Variants in VIT observed in about 807,000 individuals in gnomAD.
VIT encodes vitrin.
A neutral mutation model predicts 78.0 loss-of-function variants in VIT; 99 were observed. The observed-to-expected ratio is 1.27, with a 90% CI of 1.08 to 1.50. VIT has a LOEUF of 1.50. Among genes scored for constraint, VIT ranks in the 40% most tolerant of loss-of-function variants. The probability of loss-of-function intolerance (pLI) is 0.00; values close to 1 mark genes in which losing one functional copy is unlikely to be tolerated. For synonymous variants in VIT, 374 were observed against 334.3 expected (o/e 1.12, Z -1.29); for missense variants, 1,126 against 875.3 (o/e 1.29, Z -3.61).
At position 36,787,164 on chromosome 2, in the gene VIT, A is replaced by C; in HGVS notation, c.946A>C (p.Ser316Arg). ...TGACTTGTCGTTTTTAATTGATGGG[A>C]GCACCAGCATTGGCAAACGGCGATT... ...KIDLSFLIDG[S>R]TSIGKRRFRI... is the part of the protein sequence containing the mutation. Residue 316 changes from serine (S) to arginine (R), a missense_variant, in exon 12 of 16, where the codon AGC becomes CGC. Physicochemically the swap from Ser to Arg is moderately radical, Grantham distance 110. Transcript: ENST00000379242. 1.2e-6 allele frequency: 2 copies of C among 1,614,040 alleles called. No homozygotes were observed. The highest frequency in any genetic ancestry group is 1.7e-6 in the Non-Finnish European group (2 of 1,180,012).
intron 10 of VIT, among the ~76,000 whole-genome samples, chr2:36,783,122 T>C (rs1180695404): frequency 6.6e-6 from 1 of 152,226 alleles, no homozygotes; most frequent in Admixed American, 6.5e-5. Flanking sequence ...AGTCTCCTGA[T>C]TTCAAATCCC....
rs541755242 is a variant in VIT at position 36,767,297 on chromosome 2, G to T, written c.679+12G>T. 1 of 1,514,576 alleles carries T rather than the reference G, an allele frequency of 6.6e-7. No individual in the cohort carries two copies. Among genetic ancestry groups the T allele is most frequent in the South Asian group, 1.3e-5 (1 of 74,732 alleles). The allele number at this position is 1,514,576 out of a possible 1,614,324, so 93.8% of individuals were successfully genotyped here. On this transcript the variant is annotated intron_variant, in intron 7 of 15. Coordinates refer to ENST00000379242, the MANE Select transcript of VIT (RefSeq NM_053276.4). ...GAGCCAGGAGATGGGTCAGTAGGTA[G>T]ACCATGTGTTGCTTTGTGCTAGGGA...
chr2:36,699,529 T>C (rs941313456), intron 1 of VIT, among the ~76,000 whole-genome samples: 1 of 151,560 alleles, frequency 6.6e-6, no homozygotes. Flanking sequence ...TATATATATA[T>C]ACACACACAT....
rs372580163 is a variant in VIT at position 36,814,333 on chromosome 2, C to G, written c.2054C>G (p.Thr685Arg). Residue 685 changes from threonine (T) to arginine (R), a missense_variant, in exon 16 of 16, where the codon ACA becomes AGA. Transcript: ENST00000379242. ...CCCAGGATCATCCAGAACATTTGTA[C>G]AGAGTTCAACTCACAGCCTCGGAAC... ...YVPRIIQNIC[T>R]EFNSQPRN is the part of the protein sequence containing the mutation. 8 of 1,614,082 alleles carry G rather than the reference C, an allele frequency of 5.0e-6. No homozygotes were observed. In the African/African-American group the frequency reaches 8.0e-5, roughly 16 times the overall value.
chr2:36,789,599 A>C (rs1665345434), intron 12 of VIT, among the ~76,000 whole-genome samples: 1 of 152,072 alleles, frequency 6.6e-6, no homozygotes, highest in African/African-American at 2.4e-5. Context: ...TGTTGGTTTC[A>C]CTTGCCCAGC....
rs149475151 is a variant in VIT at position 36,777,214 on chromosome 2, T to C, written c.802+2147T>C. Among the ~76,000 whole-genome samples the C allele has an allele frequency of 7.0e-3, 1,053 of 151,264 alleles. 5 individuals are homozygous for C. The highest frequency in any genetic ancestry group is 0.024 in the African/African-American group (1,016 of 41,474). On this transcript the variant is annotated intron_variant, in intron 9 of 15. Transcript: ENST00000379242. Reference sequence around the variant, plus strand: ...AGTTGTAATTTCTAAATGATAAAAATTAATAGATATAACTCGTACAAACTA... The same window carrying C: ...AGTTGTAATTTCTAAATGATAAAAACTAATAGATATAACTCGTACAAACTA...
intron 4 of VIT, among the ~76,000 whole-genome samples, chr2:36,750,013 G>A (rs1354150370): frequency 2.0e-5 from 3 of 152,246 alleles, no homozygotes; most frequent in East Asian, 1.9e-4. Context: ...GCAGAGGGAC[G>A]AGGAGTGAAC....
chr2:36,731,345 C>A (rs2148489083), intron 3 of VIT, among the ~76,000 whole-genome samples: 1 of 152,256 alleles, frequency 6.6e-6, no homozygotes, highest in South Asian at 2.1e-4. Flanking sequence ...GCAATCTCGG[C>A]TAACTGCGAC....
At chr2:36,756,111 C>T (rs2148553839) in intron 5 of VIT, among the ~76,000 whole-genome samples, 1 of 152,098 alleles carries the variant, frequency 6.6e-6, no homozygotes, top group East Asian at 1.9e-4. Context: ...GCATGTGCCA[C>T]CATGCCCGGC....
chr2:36,766,767 A>C (rs1259265458), intron 6 of VIT, among the ~76,000 whole-genome samples: 5 of 152,250 alleles, frequency 3.3e-5, no homozygotes, highest in Non-Finnish European at 5.9e-5. Context: ...AAAAACAAAA[A>C]AAAATGTACA....
At chr2:36,701,360 A>G (rs1471651379) in intron 1 of VIT, among the ~76,000 whole-genome samples, 2 of 152,144 alleles carry the variant, frequency 1.3e-5, no homozygotes, top group African/African-American at 2.4e-5. Flanking sequence ...CCTTTCCTTT[A>G]TCTTCACTGG....
Position 36,741,020 on chromosome 2 carries a change from G to A in VIT, c.119-2080G>A, listed in dbSNP as rs376466164. ...AGTCACATCAAAATTTAATCTTAAT[G>A]CACACAGCTTGTCACTTCCTATTTC... On this transcript the variant is annotated intron_variant, in intron 3 of 15. Transcript: ENST00000379242. Among the ~76,000 whole-genome samples, 343 of 152,312 alleles carry A rather than the reference G, an allele frequency of 2.3e-3. 13 individuals are homozygous for A. The South Asian group carries it at 0.068, about 30-fold the overall frequency.
intron 6 of VIT, among the ~76,000 whole-genome samples, chr2:36,760,995 C>T (rs1269790381): frequency 6.6e-6 from 1 of 152,092 alleles, no homozygotes; most frequent in Admixed American, 6.5e-5. Flanking sequence ...AAACAGTCCC[C>T]AGGTTCACAT....
chr2:36,793,769 A>C (rs1166729808), intron 12 of VIT, among the ~76,000 whole-genome samples: 1 of 152,210 alleles, frequency 6.6e-6, no homozygotes, highest in African/African-American at 2.4e-5. Context: ...ATATTTCTCT[A>C]CTGGCACAAA....
intron 12 of VIT, 131 bp downstream of exon 12, chr2:36,787,407 T>C (rs980106787): frequency 8.0e-7 from 1 of 1,255,466 alleles, no homozygotes; most frequent in Non-Finnish European, 1.1e-6. Flanking sequence ...TCTTCCCTAA[T>C]GCAAATGTAA....
At chr2:36,803,093 C>T (rs1019599356) in intron 13 of VIT, among the ~76,000 whole-genome samples, 1 of 152,202 alleles carries the variant, frequency 6.6e-6, no homozygotes, top group African/African-American at 2.4e-5. Flanking sequence ...GAGCTGCCAG[C>T]TCCAGAACCA....
intron 6 of VIT, 136 bp downstream of exon 6, chr2:36,759,182 G>A (rs1668960302): frequency 1.3e-6 from 2 of 1,582,514 alleles, no homozygotes; most frequent in Non-Finnish European, 1.7e-6. Flanking sequence ...CAGATGCCAG[G>A]AACATGGGCA....
Position 36,808,699 on chromosome 2 carries a change from G to C in VIT, c.1617G>C (p.Glu539Asp). ...VLQFVTNLTK[E>D]FEISDTDTRI... Reference sequence around the variant, plus strand: ...AGTTTGTGACCAACCTCACCAAAGAGTTTGAGATTTCCGACACGGACACGC... The same window carrying C: ...AGTTTGTGACCAACCTCACCAAAGACTTTGAGATTTCCGACACGGACACGC... Residue 539 changes from glutamate (E) to aspartate (D), a missense_variant, in exon 15 of 16, where the codon GAG becomes GAC. By Grantham distance (45) the Glu-to-Asp change is conservative. Coordinates refer to ENST00000379242, the MANE Select transcript of VIT (RefSeq NM_053276.4). The C allele has an allele frequency of 6.2e-7, 1 of 1,614,220 alleles. No individual in the cohort carries two copies. Among genetic ancestry groups the C allele is most frequent in the South Asian group, 1.1e-5 (1 of 91,086 alleles).
In VIT at chr2:36,812,095, G is replaced by C. The variant is rs566250618; in HGVS notation, c.1904-2088G>C. Among the ~76,000 whole-genome samples the C allele has an allele frequency of 4.6e-5, 7 of 152,338 alleles. No homozygotes were observed. The South Asian group carries it at 1.5e-3, about 32-fold the overall frequency. On this transcript the variant is annotated intron_variant, in intron 15 of 15. Coordinates refer to ENST00000379242, the MANE Select transcript of VIT (RefSeq NM_053276.4). Reference sequence around the variant, plus strand: ...GCTCTGCAGCAAAGCTGCTCTCACTGACACCTGGCAGCACTTTAAAGCCCA... The same window carrying C: ...GCTCTGCAGCAAAGCTGCTCTCACTCACACCTGGCAGCACTTTAAAGCCCA...
Sources: allele counts gnomAD v4.1 joint callset (sites outside exome capture counted in the v4.1 genomes callset), GRCh38; gene constraint gnomAD v4.1.1; transcripts MANE v1.5; gene names NCBI Gene and HGNC (gene_info 2026-07-23, HGNC 2026-07-21).